The following KITLG variants were observed in gnomAD, a reference collection of about 807,000 sequenced individuals.
The protein encoded by KITLG is KIT ligand, also known as c-Kit ligand.
Under a neutral mutation model 34.1 loss-of-function variants are expected in KITLG, and 13 were observed. That is an observed-to-expected ratio of 0.38 (90% CI 0.25 to 0.61). KITLG has a LOEUF of 0.61. KITLG is among the 20% of genes least tolerant of loss of function. The probability of loss-of-function intolerance (pLI) is 0.60; values close to 1 mark genes in which losing one functional copy is unlikely to be tolerated. For synonymous variants in KITLG, 110 were observed against 104.0 expected, an observed-to-expected ratio of 1.06 and a Z score of -0.35; for missense variants, 292 against 318.9, an observed-to-expected ratio of 0.92 and a Z score of 0.64.
At chr12:88,527,693 T>C (rs1869929029) in intron 3 of KITLG, among the ~76,000 whole-genome samples, 1 of 152,264 alleles carries the variant, frequency 6.6e-6, no homozygotes, top group Admixed American at 6.5e-5. Context: ...ACATAAACAG[T>C]TGAACATCTT....
chr12:88,508,739 T>G (rs187296343), intron 6 of KITLG, among the ~76,000 whole-genome samples: 131 of 152,276 alleles, frequency 8.6e-4, no homozygotes, highest in East Asian at 4.1e-3. Flanking sequence ...CCATGGGAGA[T>G]ATGTTTTACC....
chr12:88,563,957 C>T (rs1208778489), intron 1 of KITLG, among the ~76,000 whole-genome samples: 1 of 105,002 alleles, frequency 9.5e-6, no homozygotes, highest in Non-Finnish European at 2.3e-5. Context: ...AGCAAAACTC[C>T]ATCTCAAAAA....
At chr12:88,501,458 T>A (rs1449042386) in intron 9 of KITLG, among the ~76,000 whole-genome samples, 1 of 152,180 alleles carries the variant, frequency 6.6e-6, no homozygotes, top group Non-Finnish European at 1.5e-5. Context: ...TTATTCTTAT[T>A]TTTTAGAAGA....
At chr12:88,499,845 T>C (rs1297196457) in intron 9 of KITLG, among the ~76,000 whole-genome samples, 1 of 152,162 alleles carries the variant, frequency 6.6e-6, no homozygotes, top group African/African-American at 2.4e-5. Context: ...AATTCAGTTG[T>C]CATTCTCTCT....
intron 2 of KITLG, 33 bp from the exon 3 acceptor site, chr12:88,532,536 A>G (rs1479620488): frequency 7.0e-7 from 1 of 1,426,458 alleles, no homozygotes; most frequent in South Asian, 1.2e-5. Context: ...TCCATAAGAA[A>G]ATTCTTATAC....
chr12:88,516,184 T>C, intron 5 of KITLG, 150 bp downstream of exon 5: 1 of 684,180 alleles, frequency 1.5e-6, no homozygotes, highest in South Asian at 1.7e-5. Flanking sequence ...CTACAATCAT[T>C]AGTTTCTTCT....
intron 6 of KITLG, among the ~76,000 whole-genome samples, chr12:88,514,003 G>A (rs1424046208): frequency 6.6e-6 from 1 of 151,460 alleles, no homozygotes; most frequent in Non-Finnish European, 1.5e-5. Context: ...TATGTTTTCT[G>A]ACAACAAAAT....
intron 1 of KITLG, among the ~76,000 whole-genome samples, chr12:88,578,108 A>G (rs1370046629): frequency 6.6e-6 from 1 of 152,200 alleles, no homozygotes; most frequent in African/African-American, 2.4e-5. Context: ...GCAGCATTGC[A>G]CAGAAAATGT....
intron 2 of KITLG, chr12:88,534,723 A>C (rs759941008): frequency 1.9e-6 from 1 of 513,738 alleles, no homozygotes; most frequent in Non-Finnish European, 3.9e-6. Flanking sequence ...ATTTTTGTTC[A>C]TTTATTTTTG....
chr12:88,517,562 C>T (rs1483769264), intron 4 of KITLG, among the ~76,000 whole-genome samples: 1 of 152,092 alleles, frequency 6.6e-6, no homozygotes, highest in Non-Finnish European at 1.5e-5. Flanking sequence ...ATTTACCTAA[C>T]TCATCTTTAA....
chr12:88,510,415 A>T (rs967190642), intron 6 of KITLG, among the ~76,000 whole-genome samples: 1 of 152,156 alleles, frequency 6.6e-6, no homozygotes, highest in African/African-American at 2.4e-5. Flanking sequence ...GTACTAACTC[A>T]CTTAAAACTC....
At chr12:88,502,036 TAG>T (rs1181670843) in intron 9 of KITLG, among the ~76,000 whole-genome samples, 1 of 152,112 alleles carries the variant, frequency 6.6e-6, no homozygotes, top group African/African-American at 2.4e-5. Flanking sequence ...GGGCCAGAAA[TAG>T]AGATTATTTT....
At chr12:88,561,598 A>C (rs1347191142) in intron 1 of KITLG, among the ~76,000 whole-genome samples, 1 of 152,234 alleles carries the variant, frequency 6.6e-6, no homozygotes, top group Non-Finnish European at 1.5e-5. Context: ...GGAATATATA[A>C]AACATGATCA....
At chr12:88,565,499 C>A (rs1035829786) in intron 1 of KITLG, among the ~76,000 whole-genome samples, 1 of 152,070 alleles carries the variant, frequency 6.6e-6, no homozygotes, top group Non-Finnish European at 1.5e-5. Context: ...GTGGCACGTG[C>A]CTGTAATCCC....
intron 1 of KITLG, among the ~76,000 whole-genome samples, chr12:88,572,398 C>T (rs1385179442): frequency 1.3e-5 from 2 of 150,528 alleles, no homozygotes; most frequent in African/African-American, 2.4e-5. Context: ...CTAATAAATG[C>T]CTAAATACAT....
At chr12:88,497,251 C>G in intron 9 of KITLG, 70 bp from the exon 10 acceptor site, 2 of 348,178 alleles carry the variant, frequency 5.7e-6, no homozygotes, top group South Asian at 2.2e-5. Context: ...TCTCAATAGC[C>G]GAAATCATAT....
Position 88,518,811 on chromosome 12 carries a change from A to T in KITLG, c.249T>A (p.Asp83Glu). The change falls in exon 4 of 10, where the codon GAT becomes GAA. Residue 83 changes from aspartate to glutamate, a missense_variant. Asp to Glu is a conservative substitution (Grantham distance 45). Around this residue, in one of 2 missense-constraint regions of KITLG, gnomAD observed 152 missense variants for 207.9 expected, o/e 0.73. Coordinates refer to ENST00000644744, the MANE Select transcript of KITLG (RefSeq NM_000899.5). ...AAATATTTGAAAACTTGTCCAGAAGATCAGTCAAGCTGTCTGACAATTGTA... is the reference window on the plus strand; with the variant it reads ...AAATATTTGAAAACTTGTCCAGAAGTTCAGTCAAGCTGTCTGACAATTGTA... The part of the protein sequence containing the change: ...MVVQLSDSLT[D>E]LLDKFSNISE... 1 of 1,613,552 alleles carries T rather than the reference A, an allele frequency of 6.2e-7. No homozygotes were observed. Among genetic ancestry groups the T allele is most frequent in the Non-Finnish European group, 8.5e-7 (1 of 1,179,608 alleles).
chr12:88,522,903 C>G (rs1220674102), intron 3 of KITLG, among the ~76,000 whole-genome samples: 2 of 152,060 alleles, frequency 1.3e-5, no homozygotes, highest in African/African-American at 4.8e-5. Flanking sequence ...TAGTATCTAC[C>G]CAGTGAGAAC....
chr12:88,572,618 T>TATAA (rs1368011202), intron 1 of KITLG, among the ~76,000 whole-genome samples: 3 of 146,468 alleles, frequency 2.0e-5, no homozygotes, highest in South Asian at 2.1e-4. Context: ...TATATATATA[T>TATAA]AATTTGTTAC....
Sources: allele counts gnomAD v4.1 joint callset (sites outside exome capture counted in the v4.1 genomes callset), GRCh38; gene constraint gnomAD v4.1.1; regional missense constraint gnomAD v4.1.1; transcripts MANE v1.5; gene names NCBI Gene and HGNC (gene_info 2026-07-23, HGNC 2026-07-21).